Variants in GPC5 observed in about 807,000 individuals in gnomAD.
GPC5 encodes glypican 5.
GPC5 carries 47 observed loss-of-function variants against 53.9 expected under a neutral mutation model. The observed-to-expected ratio is 0.87, with a 90% CI of 0.69 to 1.11. The LOEUF is 1.11. Among genes scored for constraint, GPC5 ranks in the 50% most tolerant of loss-of-function variants. GPC5 has a pLI of 0.00. For missense variants in GPC5, 748 were observed against 713.1 expected, an observed-to-expected ratio of 1.05 and a Z score of -0.56; for synonymous variants, 286 against 263.3, an observed-to-expected ratio of 1.09 and a Z score of -0.84.
intron 6 of GPC5, among the ~76,000 whole-genome samples, chr13:91,960,770 A>G (rs1044499347): frequency 6.6e-6 from 1 of 151,932 alleles, no homozygotes; most frequent in Non-Finnish European, 1.5e-5. Flanking sequence ...CTACACATTT[A>G]TGTATTTTTG....
At chr13:92,046,724 T>G (rs2040984815) in intron 6 of GPC5, among the ~76,000 whole-genome samples, 1 of 152,212 alleles carries the variant, frequency 6.6e-6, no homozygotes, top group African/African-American at 2.4e-5. Context: ...TTCTCAAGTA[T>G]TTGTAAATAA....
At chr13:91,922,442 A>G (rs2039724809) in intron 6 of GPC5, among the ~76,000 whole-genome samples, 1 of 152,080 alleles carries the variant, frequency 6.6e-6, no homozygotes, top group Non-Finnish European at 1.5e-5. Flanking sequence ...TCTGCCACAC[A>G]TACTCCTCAC....
chr13:92,848,244 G>C (rs1306606766), intron 7 of GPC5, among the ~76,000 whole-genome samples: 1 of 152,034 alleles, frequency 6.6e-6, no homozygotes, highest in Admixed American at 6.6e-5. Context: ...CTGGGAAAAG[G>C]CCTTATTATG....
rs533160218 is a variant in GPC5 at position 91,756,226 on chromosome 13, AC to A, written c.1155-68del. The A allele has an allele frequency of 1.3e-4, 151 of 1,164,814 alleles. No homozygotes were observed. In the African/African-American group the frequency reaches 2.1e-3, roughly 16 times the overall value. 72.2% of individuals were successfully genotyped at this position (1,164,814 alleles called of 1,614,324 possible). On this transcript the variant is annotated intron_variant, in intron 4 of 7. Coordinates refer to ENST00000377067, the MANE Select transcript of GPC5 (RefSeq NM_004466.6). ...TATCCTAAACATTATGTATAACAAT[AC>A]ATATCATTTTTGATGGCCTTTATTG...
Position 91,768,994 on chromosome 13 carries a change from A to G in GPC5, c.1280+12574A>G, listed in dbSNP as rs1013276435. 3.3e-5 allele frequency among the ~76,000 whole-genome samples: 5 copies of G among 152,034 alleles called. No individual in the cohort carries two copies. The East Asian group carries it at 7.7e-4, about 23-fold the overall frequency. On this transcript the variant is annotated intron_variant, in intron 5 of 7. Coordinates refer to ENST00000377067, the MANE Select transcript of GPC5 (RefSeq NM_004466.6). ...TGTATTAGTCATTGCTGTCCAGAAA[A>G]CAAAAACAAAACCAGTCTTTCTCTC...
intron 1 of GPC5, among the ~76,000 whole-genome samples, chr13:91,414,190 A>T (rs1878016022): frequency 6.6e-6 from 1 of 152,182 alleles, no homozygotes; most frequent in Admixed American, 6.5e-5. Flanking sequence ...GAGGCAATTG[A>T]ATCATGGGGG....
At chr13:92,542,995 T>G (rs2139004407) in intron 7 of GPC5, among the ~76,000 whole-genome samples, 1 of 152,160 alleles carries the variant, frequency 6.6e-6, no homozygotes, top group East Asian at 1.9e-4. Flanking sequence ...ATCTTTGAGC[T>G]TCCTAAATCT....
At chr13:92,383,875 A>G (rs2043770627) in intron 7 of GPC5, among the ~76,000 whole-genome samples, 1 of 152,210 alleles carries the variant, frequency 6.6e-6, no homozygotes, top group African/African-American at 2.4e-5. Flanking sequence ...TAAGAATGCA[A>G]CTGTCAGAAT....
intron 7 of GPC5, among the ~76,000 whole-genome samples, chr13:92,214,523 ACT>A (rs1485730263): frequency 2.0e-5 from 3 of 152,068 alleles, no homozygotes; most frequent in Admixed American, 1.3e-4. Flanking sequence ...ATTCACTAAG[ACT>A]CTGCTTTAGT....
intron 7 of GPC5, among the ~76,000 whole-genome samples, chr13:92,467,435 C>T (rs766564497): frequency 2.0e-5 from 3 of 152,028 alleles, no homozygotes; most frequent in Non-Finnish European, 4.4e-5. Flanking sequence ...CTTTCATAGG[C>T]TTATTCCTAA....
At chr13:92,168,289 A>G (rs1451778498) in intron 7 of GPC5, among the ~76,000 whole-genome samples, 1 of 152,234 alleles carries the variant, frequency 6.6e-6, no homozygotes, top group Non-Finnish European at 1.5e-5. Context: ...CAAAGATTTC[A>G]TATTGAAAAC....
At chr13:92,651,128 C>A (rs764731589) in intron 7 of GPC5, among the ~76,000 whole-genome samples, 8 of 151,840 alleles carry the variant, frequency 5.3e-5, no homozygotes, top group Non-Finnish European at 1.2e-4. Flanking sequence ...TACTATGGGA[C>A]CTTGTGATCT....
chr13:91,772,168 C>A (rs577109479), intron 5 of GPC5, among the ~76,000 whole-genome samples: 8 of 152,260 alleles, frequency 5.3e-5, no homozygotes, highest in African/African-American at 1.4e-4. Context: ...AATTTTTCTT[C>A]CCTATTTATT....
intron 6 of GPC5, among the ~76,000 whole-genome samples, chr13:91,986,570 CA>C (rs1418440346): frequency 1.3e-5 from 2 of 152,172 alleles, no homozygotes; most frequent in African/African-American, 4.8e-5. Context: ...CTGCAGCAAG[CA>C]TGACATGACT....
intron 7 of GPC5, among the ~76,000 whole-genome samples, chr13:92,699,859 A>G (rs1056643707): frequency 6.6e-6 from 1 of 152,170 alleles, no homozygotes; most frequent in Non-Finnish European, 1.5e-5. Context: ...GATGTGGTCA[A>G]CTTTAGAATA....
intron 5 of GPC5, among the ~76,000 whole-genome samples, chr13:91,899,262 G>A (rs1404074285): frequency 6.6e-6 from 1 of 152,056 alleles, no homozygotes; most frequent in East Asian, 1.9e-4. Context: ...TTTTTGCTAG[G>A]AGGTAGAAGT....
chr13:91,407,350 A>G lies in GPC5; in HGVS notation c.163+8141A>G, dbSNP rs536113728. Among the ~76,000 whole-genome samples the G allele has an allele frequency of 7.2e-5, 11 of 152,344 alleles. No individual in the cohort carries two copies. The East Asian group carries it at 1.7e-3, about 24-fold the overall frequency. On this transcript the variant is annotated intron_variant, in intron 1 of 7. Coordinates refer to ENST00000377067, the MANE Select transcript of GPC5 (RefSeq NM_004466.6). ...TGAAATGGAGTAAATGAGTTGCCAG[A>G]CAAAGGTTTAGAAAGGAGTATTCTC...
At chr13:91,750,581 G>C (rs1362933418) in intron 4 of GPC5, among the ~76,000 whole-genome samples, 1 of 151,352 alleles carries the variant, frequency 6.6e-6, no homozygotes, top group East Asian at 1.9e-4. Context: ...TGGAAAAGTA[G>C]TCGTGTGCTA....
rs76983946 is a variant in GPC5 at position 92,191,545 on chromosome 13, T to C, written c.1561+46556T>C. 5.7e-3 allele frequency among the ~76,000 whole-genome samples: 862 copies of C among 152,272 alleles called. 13 individuals are homozygous for C. Among genetic ancestry groups the C allele is most frequent in the African/African-American group, 0.02 (813 of 41,562 alleles). ...TACCCAAATGAATTAAAAACTTATATCCATATAGAAAGCAGTACATGGATC... is the reference window on the plus strand; with the variant it reads ...TACCCAAATGAATTAAAAACTTATACCCATATAGAAAGCAGTACATGGATC... On this transcript the variant is annotated intron_variant, in intron 7 of 7. Transcript: ENST00000377067.
Sources: allele counts gnomAD v4.1 joint callset (sites outside exome capture counted in the v4.1 genomes callset), GRCh38; gene constraint gnomAD v4.1.1; transcripts MANE v1.5; gene names NCBI Gene and HGNC (gene_info 2026-07-23, HGNC 2026-07-21).